The following CDH13 variants were observed in gnomAD, a reference collection of about 807,000 sequenced individuals.
CDH13 encodes the protein cadherin 13.
Under a neutral mutation model 63.8 loss-of-function variants are expected in CDH13, and 24 were observed. The ratio of observed to expected loss-of-function variants is 0.38; its 90% CI spans 0.27 to 0.53. CDH13 has a LOEUF of 0.53. Among genes scored for constraint, CDH13 ranks in the 20% least tolerant of loss-of-function variants. The probability of loss-of-function intolerance (pLI) is 0.85; values close to 1 mark genes in which losing one functional copy is unlikely to be tolerated. For synonymous variants in CDH13, 503 were observed against 355.3 expected (o/e 1.42, Z -4.67); for missense variants, 1,049 against 903.1 (o/e 1.16, Z -2.07).
intron 2 of CDH13, among the ~76,000 whole-genome samples, chr16:82,956,964 A>T (rs748304400): frequency 2.6e-5 from 4 of 152,210 alleles, no homozygotes; most frequent in Non-Finnish European, 5.9e-5. Flanking sequence ...ACTTAGAGAC[A>T]AAGTGGAGAC....
chr16:82,940,254 G>A (rs531030056), intron 2 of CDH13, among the ~76,000 whole-genome samples: 15 of 152,272 alleles, frequency 9.9e-5, no homozygotes, highest in East Asian at 5.8e-4. Flanking sequence ...TCCTGGTTCC[G>A]TCACTTGAAT....
chr16:82,717,371 G>C (rs924660869), intron 1 of CDH13, among the ~76,000 whole-genome samples: 1 of 151,012 alleles, frequency 6.6e-6, no homozygotes, highest in Non-Finnish European at 1.5e-5. Context: ...AGGAGGCGGA[G>C]GTTGCAGTGG....
intron 6 of CDH13, among the ~76,000 whole-genome samples, chr16:83,475,584 T>A (rs540483798): frequency 6.6e-6 from 1 of 152,214 alleles, no homozygotes; most frequent in Non-Finnish European, 1.5e-5. Flanking sequence ...TTTTTGTTGT[T>A]GTTGTTACTG....
Position 83,678,476 on chromosome 16 carries a change from C to A in CDH13, c.1538+15C>A. On this transcript the variant is annotated intron_variant, in intron 10 of 13. Coordinates refer to ENST00000567109, the MANE Select transcript of CDH13 (RefSeq NM_001257.5). ...CAAACCATCAGGTGGGTGAGTGGCT[C>A]CGGAACCACAGACGGGAGGTGGGCA... The A allele has an allele frequency of 6.2e-7, 1 of 1,613,610 alleles. No homozygotes were observed. Among genetic ancestry groups the A allele is most frequent in the Non-Finnish European group, 8.5e-7 (1 of 1,179,612 alleles).
At chr16:83,497,424 C>T (rs986633127) in intron 7 of CDH13, among the ~76,000 whole-genome samples, 7 of 149,818 alleles carry the variant, frequency 4.7e-5, no homozygotes, top group African/African-American at 1.7e-4. Context: ...AAAAACCAAA[C>T]ACCGCATATT....
At chr16:83,081,404 C>T (rs935889669) in intron 3 of CDH13, among the ~76,000 whole-genome samples, 2 of 152,062 alleles carry the variant, frequency 1.3e-5, no homozygotes, top group Non-Finnish European at 1.5e-5. Flanking sequence ...TACTGCAGGG[C>T]CATCCAACCT....
intron 2 of CDH13, among the ~76,000 whole-genome samples, chr16:82,876,194 A>G (rs2040496222): frequency 6.6e-6 from 1 of 152,192 alleles, no homozygotes; most frequent in Non-Finnish European, 1.5e-5. Context: ...AGACAGCTAA[A>G]CCATATCATG....
intron 5 of CDH13, among the ~76,000 whole-genome samples, chr16:83,324,042 T>TC (rs1555530342): frequency 7.0e-4 from 95 of 134,760 alleles, no homozygotes; most frequent in African/African-American, 9.7e-4. Context: ...TTCTTCTTCT[T>TC]TTTTTTTTTT....
intron 4 of CDH13, among the ~76,000 whole-genome samples, chr16:83,212,467 G>A (rs2039367767): frequency 6.6e-6 from 1 of 152,132 alleles, no homozygotes; most frequent in African/African-American, 2.4e-5. Flanking sequence ...CCAAGCCATG[G>A]GGTGCCTTTA....
intron 4 of CDH13, among the ~76,000 whole-genome samples, chr16:83,130,087 G>A (rs914414124): frequency 6.6e-6 from 1 of 152,218 alleles, no homozygotes; most frequent in South Asian, 2.1e-4. Flanking sequence ...GCTAGGGGCT[G>A]GGAATTTAAT....
chr16:83,681,350 G>C (rs1915387791), intron 10 of CDH13, among the ~76,000 whole-genome samples: 1 of 152,152 alleles, frequency 6.6e-6, no homozygotes, highest in South Asian at 2.1e-4. Flanking sequence ...TTACAGATTG[G>C]CCTAGCTGAG....
At chr16:83,213,672 C>G (rs992751110) in intron 4 of CDH13, among the ~76,000 whole-genome samples, 1 of 152,128 alleles carries the variant, frequency 6.6e-6, no homozygotes, top group Non-Finnish European at 1.5e-5. Flanking sequence ...TCAAAAAGGA[C>G]CTGCTCATCT....
At chr16:82,819,969 T>C (rs1478444932) in intron 1 of CDH13, among the ~76,000 whole-genome samples, 2 of 152,082 alleles carry the variant, frequency 1.3e-5, no homozygotes, top group Non-Finnish European at 2.9e-5. Flanking sequence ...ACTGTTAAAA[T>C]TTATCTGAGA....
At chr16:83,605,049 T>G (rs1177037131) in intron 8 of CDH13, among the ~76,000 whole-genome samples, 1 of 152,234 alleles carries the variant, frequency 6.6e-6, no homozygotes, top group African/African-American at 2.4e-5. Flanking sequence ...GCATACAATG[T>G]TATCTGTCAA....
At chr16:82,686,763 G>T (rs1400814482) in intron 1 of CDH13, among the ~76,000 whole-genome samples, 1 of 152,142 alleles carries the variant, frequency 6.6e-6, no homozygotes, top group African/African-American at 2.4e-5. Context: ...ATCAAGAAGA[G>T]CCTTTATAAA....
chr16:83,023,058 C>T (rs994495976), intron 2 of CDH13: 6 of 152,172 alleles, frequency 3.9e-5, no homozygotes, highest in African/African-American at 1.4e-4. Flanking sequence ...CCAAGAACCA[C>T]CTTCAAAAGA....
intron 11 of CDH13, among the ~76,000 whole-genome samples, chr16:83,751,767 G>T (rs1334775302): frequency 1.3e-5 from 2 of 152,238 alleles, no homozygotes; most frequent in African/African-American, 2.4e-5. Context: ...TACTGAACAT[G>T]AGCTAGAGAA....
At chr16:83,755,293 G>C (rs903695534) in intron 11 of CDH13, among the ~76,000 whole-genome samples, 2 of 152,058 alleles carry the variant, frequency 1.3e-5, no homozygotes, top group Non-Finnish European at 2.9e-5. Flanking sequence ...GCACAGTGAG[G>C]ATAAAGAACG....
At chr16:83,031,607 T>G (rs1162906633) in intron 2 of CDH13, among the ~76,000 whole-genome samples, 1 of 151,936 alleles carries the variant, frequency 6.6e-6, no homozygotes, top group Non-Finnish European at 1.5e-5. Flanking sequence ...TTATCTTCAA[T>G]ACCCAGCTCA....
Sources: allele counts gnomAD v4.1 joint callset (sites outside exome capture counted in the v4.1 genomes callset), GRCh38; gene constraint gnomAD v4.1.1; transcripts MANE v1.5; gene names NCBI Gene and HGNC (gene_info 2026-07-23, HGNC 2026-07-21).